Variants in CERS6 observed in about 807,000 individuals in gnomAD.
CERS6 encodes ceramide synthase 6, also known as LAG1 homolog, ceramide synthase 6.
Under a neutral mutation model 56.8 loss-of-function variants are expected in CERS6, and 26 were observed. The ratio of observed to expected loss-of-function variants is 0.46; its 90% confidence interval spans 0.34 to 0.63. The LOEUF (loss-of-function observed/expected upper bound fraction) is 0.63. Ranked by LOEUF, CERS6 falls within the 30% of genes least tolerant of loss-of-function variation. The pLI, the probability that CERS6 is intolerant of heterozygous loss-of-function variation, is 0.01. For missense variants in CERS6, 415 were observed against 467.5 expected, an observed-to-expected ratio of 0.89 and a Z score of 1.04; for synonymous variants, 164 against 173.3, an observed-to-expected ratio of 0.95 and a Z score of 0.42.
chr2:168,699,476 A>G (rs945798373), intron 6 of CERS6, among the ~76,000 whole-genome samples: 2 of 152,216 alleles, frequency 1.3e-5, no homozygotes, highest in Non-Finnish European at 2.9e-5. Context: ...CTCCAAATGC[A>G]TGCCTCAGAC....
chr2:168,714,657 A>ATACC (rs1328596947), intron 6 of CERS6, among the ~76,000 whole-genome samples: 1 of 152,178 alleles, frequency 6.6e-6, no homozygotes, highest in Non-Finnish European at 1.5e-5. Flanking sequence ...CATTCTTGGT[A>ATACC]GTCACTGATG....
chr2:168,526,231 G>A (rs1032379545), intron 1 of CERS6, among the ~76,000 whole-genome samples: 4 of 152,162 alleles, frequency 2.6e-5, no homozygotes, highest in African/African-American at 9.7e-5. Context: ...TGCTCCTTAT[G>A]AGTAAGCTGT....
intron 3 of CERS6, among the ~76,000 whole-genome samples, chr2:168,576,640 C>T (rs1163190244): frequency 1.3e-5 from 2 of 152,036 alleles, no homozygotes; most frequent in East Asian, 1.9e-4. Context: ...TAAAGAAATC[C>T]TGTATAAACC....
intron 3 of CERS6, among the ~76,000 whole-genome samples, chr2:168,595,417 T>G (rs1683774693): frequency 6.6e-6 from 1 of 152,222 alleles, no homozygotes; most frequent in Non-Finnish European, 1.5e-5. Context: ...CAAGGTTAGA[T>G]TGAATGTTGA....
intron 8 of CERS6, among the ~76,000 whole-genome samples, chr2:168,760,658 A>G (rs1281306839): frequency 5.3e-5 from 8 of 152,208 alleles, no homozygotes; most frequent in Admixed American, 5.2e-4. Context: ...CCATTTTAAT[A>G]GTTTGCCCAA....
rs988297577 is a variant in CERS6, at chr2:168,456,747, G to A, written c.170+129G>A. Reference sequence around the variant, plus strand: ...TTCACGCCTCCCAACCTTTGTGTTCGGGGAGGGGTTGCTGACCCCCCTGCC... The same window carrying A: ...TTCACGCCTCCCAACCTTTGTGTTCAGGGAGGGGTTGCTGACCCCCCTGCC... On this transcript the variant is annotated intron_variant, in intron 1 of 9. Transcript: ENST00000305747. This position sits in a 1 kb window ranked among gnomAD's most constrained non-coding sequence, Gnocchi z 4.1. The A allele has an allele frequency of 3.5e-6, 3 of 855,118 alleles. No homozygotes were observed. Among genetic ancestry groups the A allele is most frequent in the Non-Finnish European group, 5.4e-6 (3 of 557,442 alleles). 53.0% of individuals were successfully genotyped at this position (855,118 alleles called of 1,614,324 possible). A position where few individuals can be genotyped will look rare whatever the true frequency, so the allele number is the denominator to read the frequency against.
At chr2:168,654,315 G>A (rs1319998051) in intron 4 of CERS6, among the ~76,000 whole-genome samples, 2 of 152,114 alleles carry the variant, frequency 1.3e-5, no homozygotes, top group African/African-American at 4.8e-5. Context: ...TTGGGAGGCC[G>A]AGGTAGGTGG....
intron 1 of CERS6, among the ~76,000 whole-genome samples, chr2:168,476,315 A>T (rs1037543750): frequency 2.6e-5 from 4 of 152,170 alleles, no homozygotes; most frequent in Non-Finnish European, 4.4e-5. Flanking sequence ...GTAAAAAAGT[A>T]TCAAACAATA....
chr2:168,646,268 T>C (rs190672135), intron 4 of CERS6, among the ~76,000 whole-genome samples: 132 of 152,358 alleles, frequency 8.7e-4, no homozygotes, highest in Middle Eastern at 3.4e-3. Context: ...TCATGGTTTT[T>C]ATTTGCATTT....
At chr2:168,641,560 C>T (rs184632506) in intron 4 of CERS6, among the ~76,000 whole-genome samples, 1 of 152,232 alleles carries the variant, frequency 6.6e-6, no homozygotes, top group East Asian at 1.9e-4. Context: ...ACCTACCGGC[C>T]CAGGTTCTTT....
intron 3 of CERS6, among the ~76,000 whole-genome samples, chr2:168,603,708 A>C (rs1445601088): frequency 1.3e-5 from 2 of 152,222 alleles, no homozygotes; most frequent in Admixed American, 1.3e-4. Context: ...GATTGTAATT[A>C]TAGCTTCCAT....
chr2:168,466,327 A>G (rs942425635), intron 1 of CERS6, among the ~76,000 whole-genome samples: 4 of 152,214 alleles, frequency 2.6e-5, no homozygotes, highest in Admixed American at 2.6e-4. Flanking sequence ...CCTGGTAAGT[A>G]CACAATCCAT....
intron 1 of CERS6, among the ~76,000 whole-genome samples, chr2:168,518,988 G>C (rs897967054): frequency 1.3e-5 from 2 of 152,114 alleles, no homozygotes; most frequent in Admixed American, 6.5e-5. Flanking sequence ...ATTGCCCGGG[G>C]AGCTCCTGAC....
chr2:168,580,591 A>G (rs891569308), intron 3 of CERS6, among the ~76,000 whole-genome samples: 2 of 152,162 alleles, frequency 1.3e-5, no homozygotes, highest in African/African-American at 4.8e-5. Flanking sequence ...AAAGATTTGC[A>G]CACATATTTA....
chr2:168,636,500 T>G (rs1051647613), intron 4 of CERS6, among the ~76,000 whole-genome samples: 1 of 152,152 alleles, frequency 6.6e-6, no homozygotes, highest in African/African-American at 2.4e-5. Context: ...TTTTCTCATC[T>G]GTAAGATGGG....
intron 1 of CERS6, among the ~76,000 whole-genome samples, chr2:168,472,165 G>A (rs1253274731): frequency 6.6e-6 from 1 of 152,174 alleles, no homozygotes; most frequent in Non-Finnish European, 1.5e-5. Context: ...ATATGGCATT[G>A]TTAGAAAAAT....
At chr2:168,603,247 C>T (rs753769423) in intron 3 of CERS6, among the ~76,000 whole-genome samples, 2 of 152,188 alleles carry the variant, frequency 1.3e-5, no homozygotes, top group Non-Finnish European at 1.5e-5. Context: ...AAATGGGACT[C>T]TCCTTTCATA....
At chr2:168,751,856 C>T (rs1203905475) in intron 8 of CERS6, among the ~76,000 whole-genome samples, 1 of 152,178 alleles carries the variant, frequency 6.6e-6, no homozygotes, top group Non-Finnish European at 1.5e-5. Context: ...ATGCATGATC[C>T]CTTGTGTATA....
chr2:168,552,608 G>T (rs1695596704), intron 2 of CERS6, among the ~76,000 whole-genome samples: 2 of 152,138 alleles, frequency 1.3e-5, no homozygotes, highest in South Asian at 4.1e-4. Context: ...CTTCTCAAGA[G>T]TTGAGGAGAC....
Sources: allele counts gnomAD v4.1 joint callset (sites outside exome capture counted in the v4.1 genomes callset), GRCh38; gene constraint gnomAD v4.1.1; non-coding constraint Gnocchi (gnomAD v3.1); transcripts MANE v1.5; gene names NCBI Gene and HGNC (gene_info 2026-07-23, HGNC 2026-07-21).